The following DMC1 variants were observed in gnomAD, a reference collection of about 807,000 sequenced individuals.
DMC1 encodes the protein meiotic recombination protein DMC1 homolog.
A neutral mutation model predicts 50.1 loss-of-function variants in DMC1; 27 were observed. That is an observed-to-expected ratio of 0.54 (90% CI 0.40 to 0.74). DMC1 has a LOEUF of 0.74. DMC1 is among the 30% of genes least tolerant of loss of function. The pLI is 0.00. For missense variants in DMC1, 295 were observed against 420.2 expected (o/e 0.70, Z 2.60); for synonymous variants, 148 against 136.1 (o/e 1.09, Z -0.61).
downstream of DMC1, among the ~76,000 whole-genome samples, chr22:38,515,655 C>T (rs1393413995): frequency 2.6e-5 from 4 of 151,720 alleles, no homozygotes; most frequent in African/African-American, 7.3e-5. Flanking sequence ...AAAACTTAGC[C>T]GGGTGTAGTG....
At chr22:38,522,952 T>C (rs1430511467) in intron 12 of DMC1, among the ~76,000 whole-genome samples, 1 of 152,174 alleles carries the variant, frequency 6.6e-6, no homozygotes, top group Non-Finnish European at 1.5e-5. Context: ...AGGATTAAGA[T>C]TCAGTAGAAA....
At chr22:38,534,041 T>C (rs116727632) in intron 12 of DMC1, among the ~76,000 whole-genome samples, 196 of 152,272 alleles carry the variant, frequency 1.3e-3, no homozygotes, top group African/African-American at 4.3e-3. Context: ...TCTACAAAAA[T>C]GTCGGTGTCA....
Position 38,539,422 on chromosome 22 carries a change from GCC to G in DMC1, c.495-12_495-11del, listed in dbSNP as rs1448613852. The G allele has an allele frequency of 6.2e-7, 1 of 1,611,338 alleles. No homozygotes were observed. Among genetic ancestry groups the G allele is most frequent in the Admixed American group, 1.7e-5 (1 of 59,974 alleles). On this transcript the variant is annotated splice_polypyrimidine_tract_variant and intron_variant, in intron 8 of 13. Coordinates refer to ENST00000216024, the MANE Select transcript of DMC1 (RefSeq NM_007068.4). ...AAGGCGATCTGGACGGCTGGAGTAT[GCC>G]AAGATTAAGGATCCAATAAGTCAAT...
chr22:38,532,615 G>A (rs1322692620), intron 12 of DMC1, among the ~76,000 whole-genome samples: 2 of 148,724 alleles, frequency 1.3e-5, no homozygotes, highest in African/African-American at 2.5e-5. Flanking sequence ...CACCACACCC[G>A]TTCACAAGAC....
intron 12 of DMC1, among the ~76,000 whole-genome samples, chr22:38,525,056 C>A (rs1421190209): frequency 6.6e-6 from 1 of 152,010 alleles, no homozygotes; most frequent in Non-Finnish European, 1.5e-5. Flanking sequence ...AGCCAGACTA[C>A]GTCTCAAAAT....
chr22:38,566,870 A>C, intron 3 of DMC1, 134 bp from the exon 4 acceptor site: 1 of 844,094 alleles, frequency 1.2e-6, no homozygotes, highest in Non-Finnish European at 1.9e-6. Context: ...GGTGGAACCC[A>C]CCCACCATGT....
intron 8 of DMC1, among the ~76,000 whole-genome samples, chr22:38,541,493 T>C (rs2090280559): frequency 1.3e-5 from 2 of 152,180 alleles, no homozygotes; most frequent in South Asian, 4.1e-4. Context: ...GGTTTCGCCA[T>C]GTTGGCCAGG....
chr22:38,564,618 C>T (rs886483641), intron 4 of DMC1, among the ~76,000 whole-genome samples: 1 of 152,078 alleles, frequency 6.6e-6, no homozygotes, highest in Non-Finnish European at 1.5e-5. Flanking sequence ...GCCTGATACC[C>T]GTCTCTTAAA....
At chr22:38,552,728 T>A (rs531041437) in intron 6 of DMC1, 21 bp from the exon 7 acceptor site, 3 of 1,531,276 alleles carry the variant, frequency 2.0e-6, no homozygotes, top group South Asian at 1.1e-5. Context: ...CAGAAAAAAA[T>A]GATTTTAAAA....
Position 38,519,952 on chromosome 22 carries a change from T to C in DMC1, c.*68A>G, listed in dbSNP as rs1227606673. On this transcript the variant is annotated 3_prime_UTR_variant, in exon 14 of 14. Coordinates refer to ENST00000216024, the MANE Select transcript of DMC1 (RefSeq NM_007068.4). ...AAACCTCTATTTCAAGATGTGAAAT[T>C]GGAGACTGCTTTTCCATTTCTTCAG... 2 of 1,297,672 alleles carry C rather than the reference T, an allele frequency of 1.5e-6. No homozygotes were observed. Among genetic ancestry groups the C allele is most frequent in the African/African-American group, 2.9e-5 (2 of 68,680 alleles). 80.4% of individuals were successfully genotyped at this position (1,297,672 alleles called of 1,614,324 possible). A position where few individuals can be genotyped will look rare whatever the true frequency, so the allele number is the denominator to read the frequency against.
intron 5 of DMC1, among the ~76,000 whole-genome samples, chr22:38,561,239 C>A (rs2090524653): frequency 6.6e-6 from 1 of 150,490 alleles, no homozygotes; most frequent in South Asian, 2.1e-4. Flanking sequence ...CTCAAGAGAT[C>A]CCCTCCCCAC....
chr22:38,516,833 A>G (rs997238700), downstream of DMC1, among the ~76,000 whole-genome samples: 1 of 151,434 alleles, frequency 6.6e-6, no homozygotes, highest in Admixed American at 6.6e-5. Context: ...CTTTTTCTTT[A>G]TTTTTCTTTT....
At chr22:38,550,313 TTTTC>T (rs1401647707) in intron 7 of DMC1, among the ~76,000 whole-genome samples, 29 of 148,468 alleles carry the variant, frequency 2.0e-4, no homozygotes, top group African/African-American at 6.6e-4. Context: ...TTTTCTTTTC[TTTTC>T]TTTTTTTTTT....
In DMC1 at chr22:38,568,222, C is replaced by T; in HGVS notation, c.35G>A (p.Gly12Glu). The T allele has an allele frequency of 6.2e-7, 1 of 1,614,122 alleles. No individual in the cohort carries two copies. Among genetic ancestry groups the T allele is most frequent in the Non-Finnish European group, 8.5e-7 (1 of 1,180,002 alleles). ...KEDQVVAEEP[G>E]FQDEEESLFQ... The stretch of plus-strand genomic sequence containing the variant: ...TAGTCATACCTCTTCATCTTGGAAT[C>T]CTGGTTCTTCCGCCACAACTTGATC... Residue 12 changes from glycine (G) to glutamate (E), a missense_variant, in exon 2 of 14, where the codon GGA (glycine) becomes GAA (glutamate). Transcript: ENST00000216024.
chr22:38,564,388 C>T (rs933478005), intron 4 of DMC1, among the ~76,000 whole-genome samples: 2 of 152,112 alleles, frequency 1.3e-5, no homozygotes, highest in Non-Finnish European at 2.9e-5. Context: ...TGCCTCACTG[C>T]AACCTCTGCC....
the DMC1 span, among the ~76,000 whole-genome samples, chr22:38,511,107 C>T: frequency 4.0e-4 from 60 of 150,444 alleles, no homozygotes; most frequent in African/African-American, 1.5e-3. Flanking sequence ...GCACTCCAGC[C>T]TGGGTGACAG....
chr22:38,519,769 A>T lies in DMC1; in HGVS notation c.*251T>A, dbSNP rs1167419468. 1.6e-5 allele frequency: 7 copies of T among 441,690 alleles called. No homozygotes were observed. The highest frequency in any genetic ancestry group is 6.1e-5 in the African/African-American group (3 of 49,432). The allele number at this position is 441,690 out of a possible 1,614,324, so 27.4% of individuals were successfully genotyped here. A position where few individuals can be genotyped will look rare whatever the true frequency, so the allele number is the denominator to read the frequency against. On this transcript the variant is annotated 3_prime_UTR_variant, in exon 14 of 14. Coordinates refer to ENST00000216024, the MANE Select transcript of DMC1 (RefSeq NM_007068.4). ...CAATAGGTATATATATCTACTATAT[A>T]TGTCAGGTATACACACACAAACACA...
intron 1 of DMC1, 162 bp from the exon 2 acceptor site, chr22:38,568,451 TTGTGTGTGTGTGTGTGTGTGTGCATG>T (rs1341761800): frequency 8.4e-6 from 5 of 591,754 alleles, no homozygotes; most frequent in African/African-American, 3.8e-5. Flanking sequence ...ACATTATTTC[TTGTGTGTGTGTGTGTGTGTGTGCATG>T]TGTGTGTGTG....
chr22:38,527,738 C>CAA (rs1226950945), intron 12 of DMC1, among the ~76,000 whole-genome samples: 2 of 151,334 alleles, frequency 1.3e-5, no homozygotes, highest in Admixed American at 1.3e-4. Context: ...AGGCTGGTCT[C>CAA]AAACTCCTGA....
Sources: gnomAD v4.1 joint callset for allele counts (sites outside exome capture counted in the v4.1 genomes callset) on GRCh38, gnomAD v4.1.1 for gene constraint, MANE v1.5 for transcripts, NCBI Gene and HGNC (gene_info 2026-07-23, HGNC 2026-07-21) for gene names.